CLVS2: variants seen among roughly 807,000 people sequenced by gnomAD.
CLVS2 encodes clavesin-2.
In CLVS2, 19 loss-of-function variants were observed where a neutral mutation model predicts 29.0. That is an observed-to-expected ratio of 0.66 (90% confidence interval 0.46 to 0.96). The LOEUF (loss-of-function observed/expected upper bound fraction) is 0.96. CLVS2 is among the 40% of genes least tolerant of loss of function. The probability of loss-of-function intolerance (pLI) is 0.00; values close to 1 mark genes in which losing one functional copy is unlikely to be tolerated. For synonymous variants in CLVS2, 161 were observed against 151.3 expected, an observed-to-expected ratio of 1.06 and a Z score of -0.47; for missense variants, 294 against 404.1, an observed-to-expected ratio of 0.73 and a Z score of 2.34.
chr6:123,047,863 A>G (rs1772540851), intron 3 of CLVS2, among the ~76,000 whole-genome samples: 1 of 152,128 alleles, frequency 6.6e-6, no homozygotes, highest in Admixed American at 6.5e-5. Context: ...GCAGTGTCAA[A>G]TGTTGCCATT....
chr6:123,050,062 C>T (rs1482760903), intron 4 of CLVS2, among the ~76,000 whole-genome samples: 1 of 152,196 alleles, frequency 6.6e-6, no homozygotes, highest in African/African-American at 2.4e-5. Flanking sequence ...TATCAAGCAT[C>T]AGTGAACAGA....
At position 122,996,705 on chromosome 6, in the gene CLVS2, G is replaced by T; in HGVS notation, c.-601G>T. On this transcript the variant is annotated 5_prime_UTR_variant, in exon 1 of 6. Transcript: ENST00000275162. Reference sequence around the variant, plus strand: ...TGAAGCCGCGGCTGATGGATGCCAGGGAGTGCCGCATTGCTTAGCGACCCC... The same window carrying T: ...TGAAGCCGCGGCTGATGGATGCCAGTGAGTGCCGCATTGCTTAGCGACCCC... 5.9e-6 allele frequency: 1 copy of T among 168,116 alleles called. No homozygotes were observed. 10.4% of individuals were successfully genotyped at this position (168,116 alleles called of 1,614,324 possible). A position where few individuals can be genotyped will look rare whatever the true frequency, so the allele number is the denominator to read the frequency against.
chr6:123,036,443 T>C (rs539986971), intron 3 of CLVS2, among the ~76,000 whole-genome samples: 3 of 152,204 alleles, frequency 2.0e-5, no homozygotes, highest in African/African-American at 7.2e-5. Context: ...AGTAAAATCT[T>C]TGAAGCATTG....
chr6:123,035,440 C>T (rs1392881232), intron 3 of CLVS2, among the ~76,000 whole-genome samples: 1 of 151,704 alleles, frequency 6.6e-6, no homozygotes, highest in Non-Finnish European at 1.5e-5. Flanking sequence ...TGGATGAGGT[C>T]GGTTAGAGTG....
At position 122,997,996 on chromosome 6, in the gene CLVS2, G is replaced by C. The variant is rs1489825389; in HGVS notation, c.219G>C (p.Ala73=). Residue 73 remains alanine (A), a synonymous_variant, in exon 2 of 6, where the codon GCG becomes GCC. Transcript: ENST00000275162. ...ACTTTGAGGCCTTCCGCCTCCTGGC[G>C]CAGTACTTTGAGTACCGGCAGCAGA... ...FHHFEAFRLL[A]QYFEYRQQNL... 6.2e-7 allele frequency: 1 copy of C among 1,614,124 alleles called. No homozygotes were observed. The highest frequency in any genetic ancestry group is 1.1e-5 in the South Asian group (1 of 91,084).
Sources: gnomAD v4.1 joint callset for allele counts (sites outside exome capture counted in the v4.1 genomes callset) on GRCh38, gnomAD v4.1.1 for gene constraint, MANE v1.5 for transcripts, NCBI Gene and HGNC (gene_info 2026-07-23, HGNC 2026-07-21) for gene names.